Variants in CCT4 observed in about 807,000 individuals in gnomAD.
The protein encoded by CCT4 is chaperonin containing TCP1 subunit 4.
A neutral mutation model predicts 62.5 loss-of-function variants in CCT4; 17 were observed. The observed-to-expected ratio is 0.27, with a 90% CI of 0.19 to 0.41. The LOEUF (loss-of-function observed/expected upper bound fraction) is 0.41, where lower values mean the gene tolerates loss of function less well. CCT4 is among the 10% of genes least tolerant of loss of function. CCT4 has a pLI of 1.00. For synonymous variants in CCT4, 250 were observed against 229.9 expected, an observed-to-expected ratio of 1.09 and a Z score of -0.79; for missense variants, 592 against 659.2, an observed-to-expected ratio of 0.90 and a Z score of 1.12.
At chr2:61,877,624 T>G in intron 5 of CCT4, 110 bp from the exon 6 acceptor site, 2 of 805,268 alleles carry the variant, frequency 2.5e-6, no homozygotes, top group Non-Finnish European at 3.7e-6. Flanking sequence ...CAGTGGGGTG[T>G]GGGTATGAAG....
At chr2:61,882,616 C>G (rs1421472348) in intron 3 of CCT4, among the ~76,000 whole-genome samples, 1 of 151,808 alleles carries the variant, frequency 6.6e-6, no homozygotes, top group Non-Finnish European at 1.5e-5. Context: ...TCAAACAATT[C>G]TCCCACCTCA....
chr2:61,868,819 T>A lies in CCT4; in HGVS notation c.1606-113A>T. The A allele has an allele frequency of 3.9e-6, 3 of 766,442 alleles. No individual in the cohort carries two copies. In the East Asian group the frequency reaches 7.5e-5, roughly 19 times the overall value. 47.5% of individuals were successfully genotyped at this position (766,442 alleles called of 1,614,324 possible). ...CCTGTATTAAGAACTGCTGTCACCTTGATGACTAGCAAATATTTATCAAAA... is the reference window on the plus strand; with the variant it reads ...CCTGTATTAAGAACTGCTGTCACCTAGATGACTAGCAAATATTTATCAAAA... On this transcript the variant is annotated intron_variant, in intron 13 of 13. Transcript: ENST00000394440.
Position 61,883,459 on chromosome 2 carries a change from C to A in CCT4, c.270G>T (p.Met90Ile). 1 of 1,441,004 alleles carries A rather than the reference C, an allele frequency of 6.9e-7. No homozygotes were observed. Among genetic ancestry groups the A allele is most frequent in the Non-Finnish European group, 9.6e-7 (1 of 1,041,868 alleles). The allele number at this position is 1,441,004 out of a possible 1,614,324, so 89.3% of individuals were successfully genotyped here. Residue 90 changes from methionine to isoleucine, a missense_variant and splice_region_variant, in exon 3 of 14, where the codon ATG becomes ATT. Met to Ile is a conservative substitution (Grantham distance 10, BLOSUM62 1). Around this residue, in one of 3 missense-constraint regions of CCT4, gnomAD observed 522 missense variants for 571.2 expected, o/e 0.91. Transcript: ENST00000394440. ...QMQVLHPAAR[M>I]LVELSKAQDI... ...AAGACTCACCTAAAATTACACTTAC[C>A]ATTCTGGCTGCTGGATGTAATACTT...
chr2:61,872,671 T>A, intron 10 of CCT4, 83 bp from the exon 11 acceptor site: 6 of 1,403,482 alleles, frequency 4.3e-6, no homozygotes, highest in Non-Finnish European at 5.9e-6. Flanking sequence ...CTCACGCCTG[T>A]AAACCCAACA....
intron 7 of CCT4, 142 bp downstream of exon 7, chr2:61,876,778 A>G: frequency 1.5e-6 from 1 of 670,310 alleles, no homozygotes; most frequent in Non-Finnish European, 2.4e-6. Flanking sequence ...GGCACCAACA[A>G]TTACTATTTT....
chr2:61,876,310 CTA>C, intron 7 of CCT4, 76 bp from the exon 8 acceptor site: 1 of 1,115,334 alleles, frequency 9.0e-7, no homozygotes, highest in East Asian at 2.4e-5. Context: ...AGCGAAAATA[CTA>C]TGTGTTGTAT....
intron 6 of CCT4, 72 bp downstream of exon 6, chr2:61,877,321 G>T: frequency 2.1e-6 from 3 of 1,431,364 alleles, no homozygotes; most frequent in Admixed American, 2.0e-5. Flanking sequence ...TCATCTAGGT[G>T]TTTTTATTTA....
At chr2:61,881,822 C>T (rs953485067) in intron 3 of CCT4, among the ~76,000 whole-genome samples, 5 of 151,752 alleles carry the variant, frequency 3.3e-5, no homozygotes, top group Admixed American at 3.3e-4. Flanking sequence ...GGATATTTTG[C>T]CTATTCCAGG....
At chr2:61,875,117 G>C (rs1668970269) in intron 8 of CCT4, among the ~76,000 whole-genome samples, 1 of 144,588 alleles carries the variant, frequency 6.9e-6, no homozygotes, top group South Asian at 2.3e-4. Flanking sequence ...TTCCAGCCTG[G>C]GCAACAAGAG....
At chr2:61,873,812 C>T (rs898227954) in intron 8 of CCT4, among the ~76,000 whole-genome samples, 23 of 152,244 alleles carry the variant, frequency 1.5e-4, no homozygotes, top group South Asian at 2.1e-4. Flanking sequence ...GTGATCCACC[C>T]GCCTTGGCTT....
At chr2:61,885,309 T>C (rs1225045067) in intron 1 of CCT4, among the ~76,000 whole-genome samples, 1 of 152,152 alleles carries the variant, frequency 6.6e-6, no homozygotes, top group Non-Finnish European at 1.5e-5. Context: ...CAAATCACCA[T>C]GTCCACAGAA....
intron 3 of CCT4, among the ~76,000 whole-genome samples, chr2:61,880,682 G>A (rs2105136460): frequency 6.6e-6 from 1 of 152,188 alleles, no homozygotes; most frequent in African/African-American, 2.4e-5. Context: ...GCTAAGAAAA[G>A]GGGCATTCCA....
chr2:61,885,087 GAA>G lies in CCT4; in HGVS notation c.128-17_128-16del. On this transcript the variant is annotated splice_polypyrimidine_tract_variant and intron_variant, in intron 1 of 13. Coordinates refer to ENST00000394440, the MANE Select transcript of CCT4 (RefSeq NM_006430.4). The stretch of plus-strand genomic sequence containing the variant: ...ATCAGCAACCGCTGCAGATGGGGGG[GAA>G]AAAAAAGAAAACAAATTAGAACTTT... The G allele has an allele frequency of 6.6e-7, 1 of 1,515,560 alleles. No homozygotes were observed. The highest frequency in any genetic ancestry group is 8.8e-7 in the Non-Finnish European group (1 of 1,139,014). The allele number at this position is 1,515,560 out of a possible 1,614,324, so 93.9% of individuals were successfully genotyped here.
chr2:61,882,514 T>A (rs1287491610), intron 3 of CCT4, among the ~76,000 whole-genome samples: 1 of 151,736 alleles, frequency 6.6e-6, no homozygotes, highest in Non-Finnish European at 1.5e-5. Flanking sequence ...GTGACTTGTG[T>A]TTCTTTCTTT....
Position 61,869,688 on chromosome 2 carries a change from C to T in CCT4, c.1492-135G>A, listed in dbSNP as rs1017410132. The T allele has an allele frequency of 7.6e-5, 47 of 616,638 alleles. No homozygotes were observed. The Middle Eastern group carries it at 1.6e-3, about 20-fold the overall frequency. 38.2% of individuals were successfully genotyped at this position (616,638 alleles called of 1,614,324 possible). Reference sequence around the variant, plus strand: ...AAGAAGATTAGAATATGATACTCTACTAAGCTTTTCTCTACACTGTGGGAT... The same window carrying T: ...AAGAAGATTAGAATATGATACTCTATTAAGCTTTTCTCTACACTGTGGGAT... On this transcript the variant is annotated intron_variant, in intron 12 of 13. Coordinates refer to ENST00000394440, the MANE Select transcript of CCT4 (RefSeq NM_006430.4).
chr2:61,872,914 G>C, intron 10 of CCT4, 88 bp downstream of exon 10: 1 of 807,538 alleles, frequency 1.2e-6, no homozygotes, highest in South Asian at 1.5e-5. Context: ...GCGACAGAGT[G>C]AGACTCCGTC....
At chr2:61,885,546 G>T (rs566415381) in intron 1 of CCT4, among the ~76,000 whole-genome samples, 1 of 152,166 alleles carries the variant, frequency 6.6e-6, no homozygotes, top group East Asian at 1.9e-4. Context: ...GAGTAGCTGG[G>T]ACTACAGGCA....
In CCT4 at chr2:61,888,468, C is replaced by A; in HGVS notation, c.40G>T (p.Gly14Trp). ...NVAPRSGATA[G>W]AAGGRGKGAY... ...CCTTTCCCGCGGCCGCCGGCAGCCC[C>A]GGCAGTCGCCCCGCTCCGGGGTGCC... The change falls in exon 1 of 14, where the codon GGG (glycine) becomes TGG (tryptophan). Residue 14 changes from glycine to tryptophan, a missense_variant. This residue lies in a region of CCT4 where 67 missense variants were observed against 71.1 expected (regional missense o/e 0.94). Coordinates refer to ENST00000394440, the MANE Select transcript of CCT4 (RefSeq NM_006430.4). 1 of 1,611,998 alleles carries A rather than the reference C, an allele frequency of 6.2e-7. No homozygotes were observed. Among genetic ancestry groups the A allele is most frequent in the Non-Finnish European group, 8.5e-7 (1 of 1,179,256 alleles).
intron 8 of CCT4, among the ~76,000 whole-genome samples, chr2:61,873,953 G>C (rs1018066501): frequency 1.3e-5 from 2 of 152,030 alleles, no homozygotes; most frequent in African/African-American, 4.8e-5. Context: ...TCCCACCTCG[G>C]CCCCACAAAG....
Sources: allele counts gnomAD v4.1 joint callset (sites outside exome capture counted in the v4.1 genomes callset), GRCh38; gene constraint gnomAD v4.1.1; regional missense constraint gnomAD v4.1.1; transcripts MANE v1.5; gene names NCBI Gene and HGNC (gene_info 2026-07-23, HGNC 2026-07-21).